Variants in ST6GAL2 observed in about 807,000 individuals in gnomAD.
ST6GAL2 encodes the protein beta-galactoside alpha-2,6-sialyltransferase 2.
Under a neutral mutation model 37.5 loss-of-function variants are expected in ST6GAL2, and 24 were observed. The observed-to-expected ratio is 0.64, with a 90% CI of 0.46 to 0.90. The LOEUF (loss-of-function observed/expected upper bound fraction) is 0.90. Ranked by LOEUF, ST6GAL2 falls within the 40% of genes least tolerant of loss-of-function variation. ST6GAL2 has a pLI of 0.00. For synonymous variants in ST6GAL2, 306 were observed against 295.1 expected (o/e 1.04, Z -0.38); for missense variants, 715 against 712.7 (o/e 1.00, Z -0.04).
intron 5 of ST6GAL2, among the ~76,000 whole-genome samples, chr2:106,828,907 C>T (rs1676305375): frequency 6.6e-6 from 1 of 152,048 alleles, no homozygotes. Context: ...AACCCAAAAA[C>T]TCTGAGGATC....
In ST6GAL2 at chr2:106,843,799, G is replaced by T; in HGVS notation, c.179C>A (p.Ala60Asp). ...RLLPVQGKQR[A>D]IMGAAHEPSP... ...GGGCTCATGTGCGGCGCCCATGATG[G>T]CCCGCTGCTTCCCCTGCACCGGCAG... The change falls in exon 2 of 6, where the codon GCC becomes GAC. Residue 60 changes from alanine to aspartate, a missense_variant. Coordinates refer to ENST00000409382, the MANE Select transcript of ST6GAL2 (RefSeq NM_001142351.2). 1.2e-6 allele frequency: 2 copies of T among 1,611,108 alleles called. No individual in the cohort carries two copies. The highest frequency in any genetic ancestry group is 1.7e-6 in the Non-Finnish European group (2 of 1,178,626).
At chr2:106,878,576 G>A (rs1250118876) in intron 1 of ST6GAL2, among the ~76,000 whole-genome samples, 2 of 152,116 alleles carry the variant, frequency 1.3e-5, no homozygotes, top group Admixed American at 1.3e-4. Flanking sequence ...AGCCTGGAGA[G>A]AACAGTAAGA....
At chr2:106,862,847 A>T (rs1266322325) in intron 1 of ST6GAL2, among the ~76,000 whole-genome samples, 1 of 152,238 alleles carries the variant, frequency 6.6e-6, no homozygotes, top group African/African-American at 2.4e-5. Flanking sequence ...AGCCAAGAAA[A>T]TGACTAAATG....
In ST6GAL2 at chr2:106,874,464, G is replaced by A. The variant is rs550175547; in HGVS notation, c.-58+11629C>T. Among the ~76,000 whole-genome samples, 10 of 152,248 alleles carry A rather than the reference G, an allele frequency of 6.6e-5. No homozygotes were observed. In the South Asian group the frequency reaches 2.1e-3, roughly 32 times the overall value. On this transcript the variant is annotated intron_variant, in intron 1 of 5. Transcript: ENST00000409382. ...AGCACATGATGTTCTAAAAATGGCAGTGTTCGGTATGCAATGGACGACGAC... is the reference window on the plus strand; with the variant it reads ...AGCACATGATGTTCTAAAAATGGCAATGTTCGGTATGCAATGGACGACGAC...
At chr2:106,887,235 C>T (rs1034826221), upstream of ST6GAL2, 5 of 152,340 alleles carry the variant, frequency 3.3e-5, no homozygotes, top group South Asian at 2.1e-4. Context: ...CTCCCCGGCT[C>T]GCTAGCTCCC....
chr2:106,838,552 A>G (rs1044711237), intron 2 of ST6GAL2, among the ~76,000 whole-genome samples: 1 of 152,160 alleles, frequency 6.6e-6, no homozygotes. Context: ...TGATCTCTCT[A>G]CAGTGACTAT....
intron 5 of ST6GAL2, among the ~76,000 whole-genome samples, chr2:106,823,561 T>C (rs1330821413): frequency 1.3e-5 from 2 of 151,216 alleles, no homozygotes; most frequent in South Asian, 2.1e-4. Flanking sequence ...GAACACACGA[T>C]GTATGAGCCA....
intron 5 of ST6GAL2, among the ~76,000 whole-genome samples, chr2:106,817,849 A>C (rs1365635097): frequency 6.6e-6 from 1 of 152,154 alleles, no homozygotes; most frequent in Non-Finnish European, 1.5e-5. Context: ...CCCTGCCTTG[A>C]AAGGAGAATC....
At chr2:106,863,896 G>A (rs1020054955) in intron 1 of ST6GAL2, among the ~76,000 whole-genome samples, 8 of 152,132 alleles carry the variant, frequency 5.3e-5, no homozygotes, top group African/African-American at 1.9e-4. Flanking sequence ...CTGGAAGTGT[G>A]GTGCCTGGTG....
At position 106,802,697 on chromosome 2, in the gene ST6GAL2, G is replaced by C. The variant is rs1185690837; in HGVS notation, c.*3981C>G. The C allele has an allele frequency of 6.7e-6, 1 of 149,006 alleles. No homozygotes were observed. The highest frequency in any genetic ancestry group is 1.5e-5 in the Non-Finnish European group (1 of 65,920). 9.2% of individuals were successfully genotyped at this position (149,006 alleles called of 1,614,324 possible). A position where few individuals can be genotyped will look rare whatever the true frequency, so the allele number is the denominator to read the frequency against. On this transcript the variant is annotated 3_prime_UTR_variant, in exon 6 of 6. Coordinates refer to ENST00000409382, the MANE Select transcript of ST6GAL2 (RefSeq NM_001142351.2). The stretch of plus-strand genomic sequence containing the variant: ...TCAGTCATGTAACCACTGGGTAAGA[G>C]TTCTAAACTATCAGAAAGAGTTCTA...
At chr2:106,868,751 G>T (rs1678139916) in intron 1 of ST6GAL2, among the ~76,000 whole-genome samples, 1 of 152,082 alleles carries the variant, frequency 6.6e-6, no homozygotes, top group Admixed American at 6.6e-5. Flanking sequence ...GAGTTTGGGG[G>T]TTTCAGAGAC....
chr2:106,818,086 G>A (rs573105993), intron 5 of ST6GAL2, among the ~76,000 whole-genome samples: 9 of 152,250 alleles, frequency 5.9e-5, no homozygotes, highest in African/African-American at 1.7e-4. Flanking sequence ...CTAAGTTTCC[G>A]ACTCTAGGCC....
At chr2:106,836,944 C>CAAAAAAAAAAA (rs10700905) in intron 2 of ST6GAL2, among the ~76,000 whole-genome samples, 3 of 85,698 alleles carry the variant, frequency 3.5e-5, no homozygotes, top group African/African-American at 1.6e-4. Context: ...AATTCCATCT[C>CAAAAAAAAAAA]AAAAAAAAAA....
At chr2:106,841,107 CCCAGACCTTGATT>C (rs1676863837) in intron 2 of ST6GAL2, 1 of 152,120 alleles carries the variant, frequency 6.6e-6, no homozygotes, top group Non-Finnish European at 1.5e-5. Context: ...ACACAGGTAC[CCCAGACCTTGATT>C]CCAGACTCAC....
rs1435914915 is a variant in ST6GAL2, at chr2:106,886,113, G to C, written c.-78C>G. ...CTTACCAGCCTTCTTCCCACGCCGCGCCTCGAAGCGCACGACACCGTGGTG... is the reference window on the plus strand; with the variant it reads ...CTTACCAGCCTTCTTCCCACGCCGCCCCTCGAAGCGCACGACACCGTGGTG... On this transcript the variant is annotated 5_prime_UTR_variant, in exon 1 of 6. Transcript: ENST00000409382. 6.6e-6 allele frequency: 1 copy of C among 152,316 alleles called. No individual in the cohort carries two copies. Among genetic ancestry groups the C allele is most frequent in the Non-Finnish European group, 1.5e-5 (1 of 68,148 alleles). 9.4% of individuals were successfully genotyped at this position (152,316 alleles called of 1,614,324 possible). A position where few individuals can be genotyped will look rare whatever the true frequency, so the allele number is the denominator to read the frequency against.
chr2:106,857,604 A>AAAAAC (rs1479655651), intron 1 of ST6GAL2, among the ~76,000 whole-genome samples: 1 of 152,198 alleles, frequency 6.6e-6, no homozygotes, highest in African/African-American at 2.4e-5. Context: ...ACCCCATCTC[A>AAAAAC]AAAACAAAAC....
intron 1 of ST6GAL2, among the ~76,000 whole-genome samples, chr2:106,857,275 T>C (rs935854146): frequency 6.6e-6 from 1 of 152,136 alleles, no homozygotes; most frequent in Non-Finnish European, 1.5e-5. Flanking sequence ...ATAGAAGACT[T>C]GGGCTGAGAG....
Position 106,873,473 on chromosome 2 carries a change from A to C in ST6GAL2, c.-58+12620T>G, listed in dbSNP as rs75889145. 3.9e-5 allele frequency among the ~76,000 whole-genome samples: 6 copies of C among 152,330 alleles called. No homozygotes were observed. In the East Asian group the frequency reaches 1.2e-3, roughly 29 times the overall value. The stretch of plus-strand genomic sequence containing the variant: ...TTCGTTCTGGAACGGCCTTATTATC[A>C]CACCAGGTGCTGAAAATGTATATAG... On this transcript the variant is annotated intron_variant, in intron 1 of 5. Transcript: ENST00000409382.
intron 5 of ST6GAL2, among the ~76,000 whole-genome samples, chr2:106,810,504 T>C (rs545822827): frequency 1.3e-5 from 2 of 152,328 alleles, no homozygotes; most frequent in Non-Finnish European, 2.9e-5. Flanking sequence ...CATGAATTGG[T>C]GGCTTCCTGA....
Sources: allele counts gnomAD v4.1 joint callset (sites outside exome capture counted in the v4.1 genomes callset), GRCh38; gene constraint gnomAD v4.1.1; transcripts MANE v1.5; gene names NCBI Gene and HGNC (gene_info 2026-07-23, HGNC 2026-07-21).